The following MAP3K20 variants were observed in gnomAD, a reference collection of about 807,000 sequenced individuals.
MAP3K20 encodes the protein mitogen-activated protein kinase kinase kinase 20.
A neutral mutation model predicts 85.7 loss-of-function variants in MAP3K20; 40 were observed. That is an observed-to-expected ratio of 0.47 (90% CI 0.36 to 0.61). The LOEUF is 0.61. Among genes scored for constraint, MAP3K20 ranks in the 20% least tolerant of loss-of-function variants. The probability of loss-of-function intolerance (pLI) is 0.00; values close to 1 mark genes in which losing one functional copy is unlikely to be tolerated. For synonymous variants in MAP3K20, 325 were observed against 327.7 expected (o/e 0.99, Z 0.09); for missense variants, 817 against 961.7 (o/e 0.85, Z 1.99).
chr2:173,263,895 A>G lies in MAP3K20; in HGVS notation c.1702A>G (p.Ser568Gly), dbSNP rs768658670. Residue 568 changes from serine (S) to glycine (G), a missense_variant and splice_region_variant, in exon 19 of 20, where the codon AGT becomes GGT. Around this residue, in one of 4 missense-constraint regions of MAP3K20, gnomAD observed 454 missense variants for 476.9 expected, o/e 0.95. Transcript: ENST00000375213. Reference protein sequence around the residue: ...DGNPGSRSDSSADCQWLDTLR... With the variant: ...DGNPGSRSDSGADCQWLDTLR... Reference sequence around the variant, plus strand: ...CAACCCTGGAAGCAGGTCCGACTCAAGTAAGTTAGTGTTCCCGTATTAGAT... The same window carrying G: ...CAACCCTGGAAGCAGGTCCGACTCAGGTAAGTTAGTGTTCCCGTATTAGAT... 9 of 1,605,924 alleles carry G rather than the reference A, an allele frequency of 5.6e-6. No homozygotes were observed. Among genetic ancestry groups the G allele is most frequent in the Admixed American group, 5.2e-5 (3 of 57,150 alleles).
chr2:173,243,995 A>G (rs1339543505), intron 16 of MAP3K20, among the ~76,000 whole-genome samples: 1 of 152,200 alleles, frequency 6.6e-6, no homozygotes, highest in African/African-American at 2.4e-5. Context: ...CCGCCAGGCT[A>G]GAGTGAGAAA....
chr2:173,239,449 C>T lies in MAP3K20; in HGVS notation c.1312C>T (p.Leu438=), dbSNP rs780688121. The T allele has an allele frequency of 1.2e-6, 2 of 1,613,436 alleles. No homozygotes were observed. The highest frequency in any genetic ancestry group is 1.7e-6 in the Non-Finnish European group (2 of 1,179,906). The change falls in exon 16 of 20, where the codon CTG becomes TTG. Residue 438 remains leucine (L), a synonymous_variant. Coordinates refer to ENST00000375213, the MANE Select transcript of MAP3K20 (RefSeq NM_016653.3). ...AGAAAATGAGGAAAAAATAGTGAAC[C>T]TGGAACTGGTTTTTGGTTTTCACTT... ...PEENEEKIVN[L]ELVFGFHLKP... is the part of the protein sequence containing the mutation.
At chr2:173,136,752 C>G (rs1688810875) in intron 2 of MAP3K20, among the ~76,000 whole-genome samples, 1 of 152,222 alleles carries the variant, frequency 6.6e-6, no homozygotes, top group African/African-American at 2.4e-5. Flanking sequence ...TCCCTAATTA[C>G]ATGAACTATG....
intron 2 of MAP3K20, among the ~76,000 whole-genome samples, chr2:173,137,337 G>A (rs1370969054): frequency 6.6e-6 from 1 of 152,126 alleles, no homozygotes; most frequent in Non-Finnish European, 1.5e-5. Flanking sequence ...TTTGTGCCTT[G>A]GTAGTCACCT....
chr2:173,177,805 T>G (rs1690205478), intron 3 of MAP3K20, among the ~76,000 whole-genome samples: 1 of 152,110 alleles, frequency 6.6e-6, no homozygotes. Flanking sequence ...TATAGAATAT[T>G]AAAATTATAG....
chr2:173,138,258 C>A (rs559613011), intron 2 of MAP3K20, among the ~76,000 whole-genome samples: 1 of 152,208 alleles, frequency 6.6e-6, no homozygotes, highest in South Asian at 2.1e-4. Flanking sequence ...CGTGAGCTAC[C>A]GTGCCTGGCA....
chr2:173,241,521 G>A (rs972595228), intron 16 of MAP3K20, among the ~76,000 whole-genome samples: 4 of 151,986 alleles, frequency 2.6e-5, no homozygotes, highest in African/African-American at 9.7e-5. Context: ...GGCTAAAGTG[G>A]GAAGGATCAC....
At chr2:173,225,191 G>A (rs1411737085) in intron 11 of MAP3K20, 13 of 973,982 alleles carry the variant, frequency 1.3e-5, no homozygotes, top group African/African-American at 1.8e-5. Flanking sequence ...GAGAGTGTTG[G>A]GGCTAGGGCA....
At chr2:173,137,622 A>C (rs1270153679) in intron 2 of MAP3K20, among the ~76,000 whole-genome samples, 1 of 151,828 alleles carries the variant, frequency 6.6e-6, no homozygotes, top group Admixed American at 6.6e-5. Context: ...TTTCCTGTGA[A>C]TAGGTATGTT....
rs1402788857 is a variant in MAP3K20 at position 173,082,618 on chromosome 2, C to G, written c.-35+6616C>G. Among the ~76,000 whole-genome samples, 2 of 152,316 alleles carry G rather than the reference C, an allele frequency of 1.3e-5. 1 individual carries two copies. The highest frequency in any genetic ancestry group is 2.9e-5 in the Non-Finnish European group (2 of 68,020). ...AGCGAACTGAAGTGAGCCTTGTTTACTCATAGGCTACGGCTTTCTCCTCAT... is the reference window on the plus strand; with the variant it reads ...AGCGAACTGAAGTGAGCCTTGTTTAGTCATAGGCTACGGCTTTCTCCTCAT... On this transcript the variant is annotated intron_variant, in intron 1 of 19. Coordinates refer to ENST00000375213, the MANE Select transcript of MAP3K20 (RefSeq NM_016653.3).
intron 2 of MAP3K20, among the ~76,000 whole-genome samples, chr2:173,140,202 G>A (rs1428316248): frequency 6.6e-6 from 1 of 152,004 alleles, no homozygotes; most frequent in African/African-American, 2.4e-5. Flanking sequence ...AGTAGAGATG[G>A]GATTTTGCCA....
chr2:173,122,185 C>T (rs945673736), intron 2 of MAP3K20, among the ~76,000 whole-genome samples: 4 of 152,216 alleles, frequency 2.6e-5, no homozygotes, highest in African/African-American at 9.6e-5. Flanking sequence ...ACAGACAAAG[C>T]GAATCACCAA....
At chr2:173,121,325 G>A (rs1266293229) in intron 2 of MAP3K20, among the ~76,000 whole-genome samples, 3 of 152,164 alleles carry the variant, frequency 2.0e-5, no homozygotes, top group African/African-American at 7.2e-5. Context: ...CTGTAATGGT[G>A]AATAAGGCAT....
intron 1 of MAP3K20, among the ~76,000 whole-genome samples, chr2:173,088,414 A>G (rs1294674052): frequency 6.6e-6 from 1 of 152,136 alleles, no homozygotes; most frequent in Non-Finnish European, 1.5e-5. Flanking sequence ...ATATATGAGA[A>G]CTAAATTCTT....
At chr2:173,240,066 T>A (rs1684746535) in intron 16 of MAP3K20, among the ~76,000 whole-genome samples, 3 of 152,224 alleles carry the variant, frequency 2.0e-5, no homozygotes, top group Admixed American at 1.3e-4. Flanking sequence ...ATGATAATAA[T>A]GATAACTTCT....
At chr2:173,149,635 AG>A (rs2106225178) in intron 2 of MAP3K20, among the ~76,000 whole-genome samples, 1 of 152,280 alleles carries the variant, frequency 6.6e-6, no homozygotes, top group South Asian at 2.1e-4. Context: ...GTAAAAGACC[AG>A]GACCTAAACT....
At chr2:173,220,768 A>AT in intron 11 of MAP3K20, among the ~76,000 whole-genome samples, 1 of 152,096 alleles carries the variant, frequency 6.6e-6, no homozygotes, top group East Asian at 1.9e-4. Context: ...TGCTTAATTT[A>AT]TTTTTTTAAA....
At chr2:173,112,774 C>T (rs1688011851) in intron 2 of MAP3K20, among the ~76,000 whole-genome samples, 1 of 151,962 alleles carries the variant, frequency 6.6e-6, no homozygotes, top group African/African-American at 2.4e-5. Flanking sequence ...TCCACTTGAT[C>T]ATGGTAGATT....
chr2:173,208,067 A>G (rs1683749239), intron 9 of MAP3K20, among the ~76,000 whole-genome samples: 2 of 152,184 alleles, frequency 1.3e-5, no homozygotes, highest in Admixed American at 1.3e-4. Flanking sequence ...GCAAAATGAA[A>G]ATCCTTTATT....
Sources: gnomAD v4.1 joint callset for allele counts (sites outside exome capture counted in the v4.1 genomes callset) on GRCh38, gnomAD v4.1.1 for gene constraint, gnomAD v4.1.1 regional missense constraint, MANE v1.5 for transcripts, NCBI Gene and HGNC (gene_info 2026-07-23, HGNC 2026-07-21) for gene names.